CUL2: variants seen among roughly 807,000 people sequenced by gnomAD.
CUL2 encodes cullin 2.
A neutral mutation model predicts 110.2 loss-of-function variants in CUL2; 22 were observed. The ratio of observed to expected loss-of-function variants is 0.20; its 90% CI spans 0.14 to 0.28. The LOEUF (loss-of-function observed/expected upper bound fraction) is 0.28. CUL2 is among the 10% of genes least tolerant of loss of function. CUL2 has a pLI of 1.00. For missense variants in CUL2, 631 were observed against 905.5 expected (o/e 0.70, Z 3.89); for synonymous variants, 279 against 293.2 (o/e 0.95, Z 0.49).
At chr10:35,042,445 T>C (rs1448986096) in intron 8 of CUL2, among the ~76,000 whole-genome samples, 2 of 152,178 alleles carry the variant, frequency 1.3e-5, no homozygotes, top group African/African-American at 4.8e-5. Flanking sequence ...TTAGTTATAA[T>C]GTTGAGTGTG....
rs570593546 is a variant in CUL2, at chr10:35,078,459, G to A, written c.-22-7120C>T. The stretch of plus-strand genomic sequence containing the variant: ...TACAGGCTTGCGCCACCACACCGGT[G>A]TAATTTTGTATTTTTTTTTTTAGTA... On this transcript the variant is annotated intron_variant, in intron 1 of 20. Coordinates refer to ENST00000374749, the MANE Select transcript of CUL2 (RefSeq NM_003591.4). 7.2e-5 allele frequency among the ~76,000 whole-genome samples: 11 copies of A among 151,864 alleles called. No homozygotes were observed. The East Asian group carries it at 2.1e-3, about 29-fold the overall frequency.
chr10:35,088,598 T>G (rs747185663), intron 1 of CUL2, among the ~76,000 whole-genome samples: 13 of 149,818 alleles, frequency 8.7e-5, no homozygotes, highest in Non-Finnish European at 1.8e-4. Context: ...AGGTGCTTAA[T>G]AAATATCTGT....
chr10:35,086,091 G>C (rs541855743), intron 1 of CUL2, among the ~76,000 whole-genome samples: 1 of 152,078 alleles, frequency 6.6e-6, no homozygotes, highest in East Asian at 1.9e-4. Flanking sequence ...AAAATTAGCT[G>C]AGAGTGGTGG....
rs190026569 is a variant in CUL2 at position 35,121,821 on chromosome 10, A to T, written c.-51+4784T>A. Among the ~76,000 whole-genome samples, 1,419 of 151,900 alleles carry T rather than the reference A, an allele frequency of 9.3e-3. 10 individuals carry two copies. Among genetic ancestry groups the T allele is most frequent in the African/African-American group, 0.011 (471 of 41,332 alleles). Reference sequence around the variant, plus strand: ...TAAGACCCTGTCTCAAAAAAAAAAAAAAAAATAAAAATTAGTTTAGTTTAA... The same window carrying T: ...TAAGACCCTGTCTCAAAAAAAAAAATAAAAATAAAAATTAGTTTAGTTTAA... On this transcript the variant is annotated intron_variant, in intron 1 of 5. Coordinates refer to the CUL2 transcript ENST00000685421.
At chr10:35,011,192 CTAATTTTT>C (rs1215795104) in intron 20 of CUL2, among the ~76,000 whole-genome samples, 1 of 150,588 alleles carries the variant, frequency 6.6e-6, no homozygotes, top group Non-Finnish European at 1.5e-5. Context: ...CCACAACTGG[CTAATTTTT>C]TAATTTTTTA....
Position 35,009,152 on chromosome 10 carries a change from TA to T in CUL2, c.*1158del, listed in dbSNP as rs942580746. Reference sequence around the variant, plus strand: ...TGTGGATAGACAATAAATATGATAATAGATCGCAGTACTCTTAACACTGCTG... The same window carrying T: ...TGTGGATAGACAATAAATATGATAATGATCGCAGTACTCTTAACACTGCTG... On this transcript the variant is annotated 3_prime_UTR_variant, in exon 21 of 21. Coordinates refer to ENST00000374749, the MANE Select transcript of CUL2 (RefSeq NM_003591.4). 1.4e-5 allele frequency: 2 copies of T among 146,826 alleles called. No individual in the cohort carries two copies. The highest frequency in any genetic ancestry group is 5.0e-5 in the African/African-American group (2 of 40,122). 9.1% of individuals were successfully genotyped at this position (146,826 alleles called of 1,614,324 possible).
intron 1 of CUL2, among the ~76,000 whole-genome samples, chr10:35,085,512 A>C (rs1285250765): frequency 1.3e-5 from 2 of 152,034 alleles, no homozygotes; most frequent in Non-Finnish European, 2.9e-5. Context: ...TGGGACACTG[A>C]GGAAGGCGGA....
At chr10:35,120,185 TAC>T (rs1395390357) in intron 1 of CUL2, 3 of 152,170 alleles carry the variant, frequency 2.0e-5, no homozygotes. Context: ...AGTGAATCTG[TAC>T]ACAGAAAGGC....
At chr10:35,059,670 A>G (rs915229329) in intron 4 of CUL2, among the ~76,000 whole-genome samples, 1 of 152,222 alleles carries the variant, frequency 6.6e-6, no homozygotes, top group Non-Finnish European at 1.5e-5. Context: ...TGCCTGTACA[A>G]GAAGATTGAG....
At chr10:35,029,901 T>C (rs2085438720) in intron 14 of CUL2, among the ~76,000 whole-genome samples, 1 of 152,176 alleles carries the variant, frequency 6.6e-6, no homozygotes, top group Non-Finnish European at 1.5e-5. Flanking sequence ...AACAAAAACT[T>C]TTTTATACAT....
chr10:35,088,247 C>T lies in CUL2; in HGVS notation c.-23+1932G>A, dbSNP rs891204158. ...TGGGTTGGACAGGTGTGGTGGCTCA[C>T]GCCTATAATCCCAGCACTCTGGGAG... On this transcript the variant is annotated intron_variant, in intron 1 of 20. Transcript: ENST00000374749. Among the ~76,000 whole-genome samples, 26 of 152,196 alleles carry T rather than the reference C, an allele frequency of 1.7e-4. No individual in the cohort carries two copies. The East Asian group carries it at 2.9e-3, about 17-fold the overall frequency.
intron 20 of CUL2, among the ~76,000 whole-genome samples, 158 bp from the exon 21 acceptor site, chr10:35,010,600 C>T (rs546636221): frequency 1.3e-5 from 2 of 152,236 alleles, no homozygotes; most frequent in South Asian, 2.1e-4. Context: ...AAAATGGATA[C>T]AGCAAAATCT....
intron 2 of CUL2, 51 bp from the exon 3 acceptor site, chr10:35,063,113 T>C: frequency 9.6e-7 from 1 of 1,039,470 alleles, no homozygotes. Context: ...TTTTAAAACA[T>C]AATGAGATTT....
chr10:35,084,833 T>C (rs73258798), intron 1 of CUL2, among the ~76,000 whole-genome samples: 3 of 152,110 alleles, frequency 2.0e-5, no homozygotes, highest in Non-Finnish European at 2.9e-5. Context: ...AAACAACTGA[T>C]AGTTGGACAG....
intron 1 of CUL2, among the ~76,000 whole-genome samples, chr10:35,106,314 T>TG (rs1564755041): frequency 6.6e-6 from 1 of 151,666 alleles, no homozygotes; most frequent in African/African-American, 2.4e-5. Context: ...GTTTTTTTTT[T>TG]TGTGGGTTTT....
intron 1 of CUL2, among the ~76,000 whole-genome samples, chr10:35,119,491 A>G (rs1315214532): frequency 6.6e-6 from 1 of 152,110 alleles, no homozygotes; most frequent in African/African-American, 2.4e-5. Context: ...ACACACCCAG[A>G]TTTTAAAACA....
Position 35,101,969 on chromosome 10 carries a change from C to T in CUL2, c.-50-909G>A, listed in dbSNP as rs369896444. Among the ~76,000 whole-genome samples the T allele has an allele frequency of 2.5e-4, 38 of 152,304 alleles. No homozygotes were observed. The East Asian group carries it at 6.9e-3, about 28-fold the overall frequency. ...CTTGACTAATAAAATAAGAAACAGC[C>T]TCCCAAAATGCTGGGATTACAGGTG... On this transcript the variant is annotated intron_variant, in intron 1 of 5. Transcript: ENST00000685421.
chr10:35,073,370 T>C (rs992135328), intron 1 of CUL2, among the ~76,000 whole-genome samples: 2 of 152,160 alleles, frequency 1.3e-5, no homozygotes, highest in Non-Finnish European at 2.9e-5. Flanking sequence ...CATCCTATCA[T>C]CAACTGTGCA....
At chr10:35,038,064 T>C (rs1442884487) in intron 9 of CUL2, among the ~76,000 whole-genome samples, 1 of 151,614 alleles carries the variant, frequency 6.6e-6, no homozygotes, top group Non-Finnish European at 1.5e-5. Flanking sequence ...GAGGCAGAAT[T>C]GCTTGAACCT....
Sources: gnomAD v4.1 joint callset for allele counts (sites outside exome capture counted in the v4.1 genomes callset) on GRCh38, gnomAD v4.1.1 for gene constraint, MANE v1.5 for transcripts, NCBI Gene and HGNC (gene_info 2026-07-23, HGNC 2026-07-21) for gene names.